Variants in CDH4 observed in about 807,000 individuals in gnomAD.
The protein encoded by CDH4 is cadherin-4.
CDH4 carries 33 observed loss-of-function variants against 86.0 expected under a neutral mutation model. The ratio of observed to expected loss-of-function variants is 0.38; its 90% CI spans 0.29 to 0.51. CDH4 has a LOEUF of 0.51. Among genes scored for constraint, CDH4 ranks in the 20% least tolerant of loss-of-function variants. CDH4 has a pLI of 0.86. For missense variants in CDH4, 1,114 were observed against 1,307.4 expected (o/e 0.85, Z 2.28); for synonymous variants, 555 against 549.4 (o/e 1.01, Z -0.14).
chr20:61,386,829 G>C (rs1355407911), intron 2 of CDH4, among the ~76,000 whole-genome samples: 9 of 152,356 alleles, frequency 5.9e-5, no homozygotes. Context: ...AGGTTCCAAA[G>C]GTGCTTCCTG....
intron 2 of CDH4, among the ~76,000 whole-genome samples, chr20:61,448,688 C>T (rs190275990): frequency 6.6e-4 from 101 of 152,174 alleles, no homozygotes; most frequent in South Asian, 1.5e-3. Context: ...ACCTAGCCTC[C>T]GAAATCGTCA....
intron 2 of CDH4, among the ~76,000 whole-genome samples, chr20:61,525,816 C>T (rs2085905770): frequency 6.6e-6 from 1 of 152,148 alleles, no homozygotes; most frequent in African/African-American, 2.4e-5. Context: ...AAGACTCTCT[C>T]TGTCTTAAGT....
chr20:61,786,406 T>C (rs1459669600), intron 4 of CDH4, among the ~76,000 whole-genome samples: 3 of 152,092 alleles, frequency 2.0e-5, no homozygotes, highest in Admixed American at 1.3e-4. Context: ...GGGATTCACA[T>C]TGTCCCCGCT....
intron 2 of CDH4, among the ~76,000 whole-genome samples, chr20:61,672,808 T>G (rs1332268363): frequency 6.6e-6 from 1 of 152,044 alleles, no homozygotes; most frequent in Non-Finnish European, 1.5e-5. Context: ...TGGGGCCCTG[T>G]GTCCCTGCTC....
intron 2 of CDH4, among the ~76,000 whole-genome samples, chr20:61,441,171 G>C (rs899071348): frequency 2.6e-5 from 4 of 152,194 alleles, no homozygotes; most frequent in African/African-American, 9.6e-5. Context: ...GAAACACAGC[G>C]TCCAACACCG....
chr20:61,721,948 G>A (rs35610560), intron 2 of CDH4, among the ~76,000 whole-genome samples: 2,839 of 152,224 alleles, frequency 0.019, 43 homozygotes, highest in Admixed American at 0.043. Context: ...GAAATGGGGT[G>A]TGCTGGAGAG....
At chr20:61,764,547 G>A (rs1175562943) in intron 3 of CDH4, among the ~76,000 whole-genome samples, 3 of 152,108 alleles carry the variant, frequency 2.0e-5, no homozygotes, top group Non-Finnish European at 4.4e-5. Flanking sequence ...CGAGCCATGG[G>A]TGGAGAGTGA....
chr20:61,536,984 G>A (rs2086002148), intron 2 of CDH4, among the ~76,000 whole-genome samples: 1 of 152,146 alleles, frequency 6.6e-6, no homozygotes, highest in Admixed American at 6.5e-5. Flanking sequence ...AGACGGATGG[G>A]TGTGAATGAA....
At chr20:61,330,821 C>T (rs1421068170) in intron 2 of CDH4, among the ~76,000 whole-genome samples, 1 of 152,188 alleles carries the variant, frequency 6.6e-6, no homozygotes, top group African/African-American at 2.4e-5. Context: ...CCAATCGCTG[C>T]CTGGTTTCCT....
rs1029536295 is a variant in CDH4, at chr20:61,708,131, C to T, written c.170-35432C>T. On this transcript the variant is annotated intron_variant, in intron 2 of 15. Coordinates refer to ENST00000614565, the MANE Select transcript of CDH4 (RefSeq NM_001794.5). This position sits in a 1 kb window ranked among gnomAD's most constrained non-coding sequence, Gnocchi z 4.5. ...GCGTCTCCCTGGGCATAGCCATCAC[C>T]CAGCACAGCAGTGGTTTCAGGCAAC... Among the ~76,000 whole-genome samples, 1 of 152,138 alleles carries T rather than the reference C, an allele frequency of 6.6e-6. No individual in the cohort carries two copies. Among genetic ancestry groups the T allele is most frequent in the Non-Finnish European group, 1.5e-5 (1 of 67,996 alleles).
At chr20:61,354,876 A>G (rs28743078) in intron 2 of CDH4, among the ~76,000 whole-genome samples, 34,526 of 152,162 alleles carry the variant, frequency 0.23, 4,062 homozygotes, top group East Asian at 0.33. Flanking sequence ...AGCAGGGCAC[A>G]GGGAGCCTCT....
intron 5 of CDH4, among the ~76,000 whole-genome samples, chr20:61,851,082 C>T (rs1049228523): frequency 6.6e-6 from 1 of 152,206 alleles, no homozygotes; most frequent in Non-Finnish European, 1.5e-5. Context: ...GCAGATGGGT[C>T]GGGGATGGGG....
At chr20:61,839,706 T>C (rs543394930) in intron 4 of CDH4, among the ~76,000 whole-genome samples, 102 of 151,764 alleles carry the variant, frequency 6.7e-4, no homozygotes, top group African/African-American at 2.4e-3. Context: ...TGTGTTTGTT[T>C]ATGCGTTTGT....
chr20:61,421,541 C>T lies in CDH4; in HGVS notation c.169+166604C>T, dbSNP rs1284539836. 3.9e-5 allele frequency among the ~76,000 whole-genome samples: 6 copies of T among 152,150 alleles called. No individual in the cohort carries two copies. In the East Asian group the frequency reaches 5.8e-4, roughly 15 times the overall value. On this transcript the variant is annotated intron_variant, in intron 2 of 15. Coordinates refer to ENST00000614565, the MANE Select transcript of CDH4 (RefSeq NM_001794.5). ...GGATGGAGGGTGTTTCATGGCTGAACGGAATCAAGGGGCCTTCTGGGGTGC... is the reference window on the plus strand; with the variant it reads ...GGATGGAGGGTGTTTCATGGCTGAATGGAATCAAGGGGCCTTCTGGGGTGC...
At chr20:61,830,128 T>C (rs554485153) in intron 4 of CDH4, among the ~76,000 whole-genome samples, 116 of 86,080 alleles carry the variant, frequency 1.3e-3, no homozygotes, top group African/African-American at 5.0e-3. Flanking sequence ...CCACACCCGT[T>C]CATGTGACCC....
intron 2 of CDH4, among the ~76,000 whole-genome samples, chr20:61,731,984 T>G (rs1048548577): frequency 6.6e-6 from 1 of 152,100 alleles, no homozygotes; most frequent in Middle Eastern, 3.4e-3. Context: ...ATCAAGAACC[T>G]GAGCCAGCGC....
At chr20:61,599,743 CG>C (rs1424812813) in intron 2 of CDH4, 2 of 966,988 alleles carry the variant, frequency 2.1e-6, no homozygotes, top group Admixed American at 1.2e-4. Flanking sequence ...CCTCCTGACG[CG>C]GCTCTGCCTC....
chr20:61,280,992 G>T (rs1479029128), intron 2 of CDH4, among the ~76,000 whole-genome samples: 1 of 152,174 alleles, frequency 6.6e-6, no homozygotes, highest in East Asian at 1.9e-4. Flanking sequence ...ATTTTCCAGG[G>T]TGACTAAATG....
At position 61,517,998 on chromosome 20, in the gene CDH4, G is replaced by A. The variant is rs1009212525; in HGVS notation, c.170-225565G>A. Reference sequence around the variant, plus strand: ...TGTGGGGCTGGGGCAGGAGCTGCCTGCCTCCCCGTGCGGGGAGGATGCCTC... The same window carrying A: ...TGTGGGGCTGGGGCAGGAGCTGCCTACCTCCCCGTGCGGGGAGGATGCCTC... On this transcript the variant is annotated intron_variant, in intron 2 of 15. Transcript: ENST00000614565. The surrounding 1 kb of genome is among the most constrained non-coding windows in gnomAD (Gnocchi z 6.6). Among the ~76,000 whole-genome samples the A allele has an allele frequency of 2.0e-5, 3 of 146,940 alleles. No homozygotes were observed. Among genetic ancestry groups the A allele is most frequent in the Middle Eastern group, 6.8e-3 (2 of 292 alleles).
Sources: gnomAD v4.1 joint callset for allele counts (sites outside exome capture counted in the v4.1 genomes callset) on GRCh38, gnomAD v4.1.1 for gene constraint, Gnocchi (gnomAD v3.1) non-coding constraint, MANE v1.5 for transcripts, NCBI Gene and HGNC (gene_info 2026-07-23, HGNC 2026-07-21) for gene names.